Variants in HAGH observed in about 807,000 individuals in gnomAD.
HAGH encodes hydroxyacylglutathione hydrolase.
HAGH carries 29 observed loss-of-function variants against 35.1 expected under a neutral mutation model. That is an observed-to-expected ratio of 0.83 (90% CI 0.62 to 1.13). The LOEUF (loss-of-function observed/expected upper bound fraction) is 1.13. HAGH is among the 50% of genes most tolerant of loss of function. The pLI, the probability that HAGH is intolerant of heterozygous loss-of-function variation, is 0.00. For synonymous variants in HAGH, 225 were observed against 176.1 expected (o/e 1.28, Z -2.20); for missense variants, 478 against 419.6 (o/e 1.14, Z -1.22).
intron 7 of HAGH, chr16:1,810,095 G>A (rs768273305): frequency 1.0e-5 from 5 of 483,758 alleles, no homozygotes; most frequent in African/African-American, 3.9e-5. Flanking sequence ...AGCACAGGTC[G>A]AGGCTACAGT....
intron 8 of HAGH, 59 bp from the exon 9 acceptor site, chr16:1,809,441 G>A (rs762549612): frequency 2.9e-6 from 4 of 1,385,204 alleles, no homozygotes; most frequent in African/African-American, 2.8e-5. Flanking sequence ...GGAGGAGCCA[G>A]GGCCACTGCA....
intron 7 of HAGH, chr16:1,812,520 CA>C (rs11367242): frequency 0.89 from 126,130 of 141,596 alleles, 55,987 homozygotes; most frequent in Admixed American, 0.94. Context: ...AAAAAAAAAA[CA>C]AAAAAAAAAC....
At position 1,809,723 on chromosome 16, in the gene HAGH, G is replaced by A. The variant is rs770272445; in HGVS notation, c.827+31C>T. On this transcript the variant is annotated intron_variant, in intron 8 of 8. Transcript: ENST00000397356. ...GCAGTGGGACTGCCAGAGGGGAGGGGCCCGCGCCCACCACCTGCCCTGGGC... is the reference window on the plus strand; with the variant it reads ...GCAGTGGGACTGCCAGAGGGGAGGGACCCGCGCCCACCACCTGCCCTGGGC... 91 of 1,478,780 alleles carry A rather than the reference G, an allele frequency of 6.2e-5. No homozygotes were observed. In the South Asian group the frequency reaches 1.0e-3, roughly 16 times the overall value. The allele number at this position is 1,478,780 out of a possible 1,614,324, so 91.6% of individuals were successfully genotyped here.
At chr16:1,821,322 G>A (rs899226036) in intron 3 of HAGH, among the ~76,000 whole-genome samples, 13 of 152,156 alleles carry the variant, frequency 8.5e-5, no homozygotes, top group Admixed American at 2.0e-4. Flanking sequence ...CAAGCCACCA[G>A]CACAGCGCTC....
upstream of HAGH, chr16:1,826,991 A>G (rs560980687): frequency 3.2e-6 from 2 of 619,966 alleles, no homozygotes; most frequent in South Asian, 5.7e-5. Flanking sequence ...CGGGCCTGGG[A>G]GCGGCGGCGG....
intron 3 of HAGH, chr16:1,821,947 T>G (rs56181186): frequency 0.12 from 15,575 of 125,540 alleles, 981 homozygotes; most frequent in African/African-American, 0.2. Context: ...TTTTTTTGTT[T>G]TTTTGTTTTT....
At chr16:1,816,855 C>T in intron 7 of HAGH, 38 bp downstream of exon 7, 1 of 1,303,884 alleles carries the variant, frequency 7.7e-7, no homozygotes, top group Non-Finnish European at 1.1e-6. Context: ...CCCTGAGCAG[C>T]CCACAGGAAG....
At chr16:1,815,340 G>A (rs1400612209) in intron 7 of HAGH, among the ~76,000 whole-genome samples, 9 of 152,178 alleles carry the variant, frequency 5.9e-5, no homozygotes, top group Non-Finnish European at 1.0e-4. Context: ...GTATCCAAGA[G>A]CAATAAAAAC....
At chr16:1,819,835 A>AC (rs1231820360) in intron 4 of HAGH, 62 bp downstream of exon 4, 43 of 993,526 alleles carry the variant, frequency 4.3e-5, no homozygotes, top group Non-Finnish European at 5.9e-5. Context: ...GCGGGGAGGG[A>AC]CCCCCCTCCC....
intron 5 of HAGH, 63 bp from the exon 6 acceptor site, chr16:1,817,334 G>C: frequency 9.6e-7 from 1 of 1,043,986 alleles, no homozygotes; most frequent in South Asian, 1.3e-5. Context: ...ACTCAGGAGG[G>C]GGCCAGGAGC....
chr16:1,819,921 C>T lies in HAGH; in HGVS notation c.408G>A (p.Lys136=). The change falls in exon 4 of 9, where the codon AAG becomes AAA. Residue 136 remains lysine, a synonymous_variant. Coordinates refer to ENST00000397356, the MANE Select transcript of HAGH (RefSeq NM_005326.6). Reference sequence around the variant, plus strand: ...CCTGCAGTGTGGACAGGTGAGTGATCTTGTGAGTCAGGGCCCCGATACGGT... The same window carrying T: ...CCTGCAGTGTGGACAGGTGAGTGATTTTGTGAGTCAGGGCCCCGATACGGT... The part of the protein sequence containing the change: ...GDDRIGALTH[K]ITHLSTLQVG... 1 of 1,611,212 alleles carries T rather than the reference C, an allele frequency of 6.2e-7. No individual in the cohort carries two copies. Among genetic ancestry groups the T allele is most frequent in the Non-Finnish European group, 8.5e-7 (1 of 1,177,596 alleles).
At chr16:1,809,692 T>G in intron 8 of HAGH, 62 bp downstream of exon 8, 1 of 1,165,970 alleles carries the variant, frequency 8.6e-7, no homozygotes, top group Non-Finnish European at 1.3e-6. Flanking sequence ...ACCGGCTGTG[T>G]GTGCAGCAGT....
At position 1,809,056 on chromosome 16, in the gene HAGH, ACAAG is replaced by A; in HGVS notation, c.*223_*226del. On this transcript the variant is annotated 3_prime_UTR_variant, in exon 9 of 9. Coordinates refer to ENST00000397356, the MANE Select transcript of HAGH (RefSeq NM_005326.6). Reference sequence around the variant, plus strand: ...CGGAGGAGGAAGGAGGCCCGAGGGGACAAGCAGAGGCCTAAAGGCCAGAAGAAAA... The same window carrying A: ...CGGAGGAGGAAGGAGGCCCGAGGGGACAGAGGCCTAAAGGCCAGAAGAAAA... The A allele has an allele frequency of 2.0e-6, 1 of 494,164 alleles. No individual in the cohort carries two copies. Among genetic ancestry groups the A allele is most frequent in the South Asian group, 3.4e-5 (1 of 29,392 alleles). The allele number at this position is 494,164 out of a possible 1,614,324, so 30.6% of individuals were successfully genotyped here.
intron 3 of HAGH, among the ~76,000 whole-genome samples, chr16:1,820,215 G>C (rs893672545): frequency 6.6e-6 from 1 of 151,328 alleles, no homozygotes; most frequent in African/African-American, 2.5e-5. Flanking sequence ...GGTTCCGAGC[G>C]TGGGGGCCTG....
At chr16:1,819,497 G>C (rs924200687) in intron 4 of HAGH, among the ~76,000 whole-genome samples, 2 of 152,220 alleles carry the variant, frequency 1.3e-5, no homozygotes, top group Non-Finnish European at 2.9e-5. Flanking sequence ...TCGCCGTCTG[G>C]CTAGGAAAGA....
intron 5 of HAGH, 46 bp downstream of exon 5, chr16:1,819,069 G>A (rs372782246): frequency 8.5e-7 from 1 of 1,180,754 alleles, no homozygotes; most frequent in Non-Finnish European, 1.3e-6. Flanking sequence ...GGAGACACAG[G>A]GTCTTCACGA....
Position 1,817,238 on chromosome 16 carries a change from A to G in HAGH, c.575T>C (p.Phe192Ser). The change falls in exon 6 of 9, where the codon TTC becomes TCC. Residue 192 changes from phenylalanine (F) to serine (S), a missense_variant. Coordinates refer to ENST00000397356, the MANE Select transcript of HAGH (RefSeq NM_005326.6). ...CATCTCATCCGCAGTCCCTTCATAG[A>G]ACTTCCCGCAGCCAGCCACAAACAA... ...DTLFVAGCGK[F>S]YEGTADEMCK... is the part of the protein sequence containing the mutation. 6.2e-7 allele frequency: 1 copy of G among 1,613,486 alleles called. No homozygotes were observed. The highest frequency in any genetic ancestry group is 1.3e-5 in the African/African-American group (1 of 75,002).
intron 1 of HAGH, 89 bp from the exon 2 acceptor site, chr16:1,823,126 G>C (rs1281886341): frequency 2.6e-6 from 3 of 1,174,462 alleles, no homozygotes; most frequent in South Asian, 1.3e-5. Flanking sequence ...AGCCTTTCTA[G>C]GTTCCTTTGA....
intron 7 of HAGH, among the ~76,000 whole-genome samples, chr16:1,814,161 G>A (rs1897782475): frequency 6.6e-6 from 1 of 151,130 alleles, no homozygotes; most frequent in South Asian, 2.1e-4. Context: ...ATCTTAGAAA[G>A]GGCACAAGAA....
Sources: allele counts gnomAD v4.1 joint callset (sites outside exome capture counted in the v4.1 genomes callset), GRCh38; gene constraint gnomAD v4.1.1; transcripts MANE v1.5; gene names NCBI Gene and HGNC (gene_info 2026-07-23, HGNC 2026-07-21).